The following SCUBE1 variants were observed in gnomAD, a reference collection of about 807,000 sequenced individuals.
SCUBE1 encodes signal peptide, CUB and EGF-like domain-containing protein 1.
In SCUBE1, 59 loss-of-function variants were observed where a neutral mutation model predicts 124.4. That is an observed-to-expected ratio of 0.47 (90% CI 0.38 to 0.59). SCUBE1 has a LOEUF of 0.59. Among genes scored for constraint, SCUBE1 ranks in the 20% least tolerant of loss-of-function variants. The pLI is 0.00. For synonymous variants in SCUBE1, 545 were observed against 550.9 expected, an observed-to-expected ratio of 0.99 and a Z score of 0.15; for missense variants, 1,150 against 1,371.2, an observed-to-expected ratio of 0.84 and a Z score of 2.55.
Position 43,234,790 on chromosome 22 carries a change from T to C in SCUBE1, c.845-2915A>G, listed in dbSNP as rs879264310. Among the ~76,000 whole-genome samples the C allele has an allele frequency of 6.6e-6, 1 of 151,936 alleles. No homozygotes were observed. Among genetic ancestry groups the C allele is most frequent in the Admixed American group, 6.5e-5 (1 of 15,274 alleles). On this transcript the variant is annotated intron_variant, in intron 7 of 21. Transcript: ENST00000360835. The surrounding 1 kb of genome is among the most constrained non-coding windows in gnomAD (Gnocchi z 4.4). ...TGGCCAGCATTCTGAGGCTCCTGAG[T>C]CTGCTAGGATGTGGGCCCTCCCTCT...
rs117833414 is a variant in SCUBE1 at position 43,272,926 on chromosome 22, C to T, written c.485-10081G>A. 1.1e-3 allele frequency among the ~76,000 whole-genome samples: 169 copies of T among 152,342 alleles called. 5 individuals carry two copies. The East Asian group carries it at 0.029, about 26-fold the overall frequency. ...GCGGCTGTGACTTGCCCTGGTCACG[C>T]AGCTGTCAGTGCAGAGTTCACATGC... On this transcript the variant is annotated intron_variant, in intron 4 of 21. Transcript: ENST00000360835.
chr22:43,300,551 A>G (rs898638746), intron 3 of SCUBE1, among the ~76,000 whole-genome samples: 1 of 152,110 alleles, frequency 6.6e-6, no homozygotes, highest in Non-Finnish European at 1.5e-5. Context: ...CTTTGGAGAT[A>G]TGTCTATTCA....
intron 3 of SCUBE1, 39 bp from the exon 4 acceptor site, chr22:43,291,219 C>T: frequency 6.3e-7 from 1 of 1,589,300 alleles, no homozygotes; most frequent in South Asian, 1.1e-5. Flanking sequence ...GAGATCACAC[C>T]TAAGTTGGAA....
intron 3 of SCUBE1, among the ~76,000 whole-genome samples, chr22:43,316,670 T>C (rs527648696): frequency 6.6e-6 from 1 of 152,266 alleles, no homozygotes; most frequent in East Asian, 1.9e-4. Flanking sequence ...GCTCTGCCCT[T>C]GGTCTAGCAA....
At chr22:43,212,786 G>A in intron 16 of SCUBE1, 194 bp from the exon 17 acceptor site, 2 of 602,460 alleles carry the variant, frequency 3.3e-6, no homozygotes, top group Non-Finnish European at 2.9e-6. Flanking sequence ...TCCGGATGAT[G>A]CCAGCGGTTC....
At chr22:43,222,612 C>T (rs1331995998) in intron 12 of SCUBE1, 26 bp downstream of exon 12, 4 of 1,463,112 alleles carry the variant, frequency 2.7e-6, no homozygotes, top group East Asian at 4.9e-5. Context: ...CAGTGGCATG[C>T]AGCATGGACA....
intron 4 of SCUBE1, among the ~76,000 whole-genome samples, chr22:43,289,024 C>T (rs1925255479): frequency 1.3e-5 from 2 of 152,356 alleles, no homozygotes; most frequent in South Asian, 4.1e-4. Context: ...GTGATCTGCC[C>T]ACAGCACACC....
intron 3 of SCUBE1, 98 bp from the exon 4 acceptor site, chr22:43,291,278 A>G: frequency 2.2e-6 from 3 of 1,352,948 alleles, no homozygotes; most frequent in Non-Finnish European, 3.1e-6. Context: ...ATTTCCTCAC[A>G]TGGCCCTGAA....
At position 43,266,875 on chromosome 22, in the gene SCUBE1, A is replaced by G. The variant is rs73886545; in HGVS notation, c.485-4030T>C. 8.5e-3 allele frequency among the ~76,000 whole-genome samples: 1,287 copies of G among 152,144 alleles called. 24 individuals carry two copies. The highest frequency in any genetic ancestry group is 0.03 in the African/African-American group (1,248 of 41,496). On this transcript the variant is annotated intron_variant, in intron 4 of 21. Coordinates refer to ENST00000360835, the MANE Select transcript of SCUBE1 (RefSeq NM_173050.5). The stretch of plus-strand genomic sequence containing the variant: ...GGAGCAGCCCCTCCACGAAGCACAT[A>G]CCCTGGCTCCTCTTTTGACCTTCCA...
At chr22:43,335,616 C>A (rs1927037060) in intron 2 of SCUBE1, among the ~76,000 whole-genome samples, 1 of 152,140 alleles carries the variant, frequency 6.6e-6, no homozygotes, top group African/African-American at 2.4e-5. Context: ...TTCTGGAGAC[C>A]AAGGACTATG....
chr22:43,325,441 CT>C (rs951809917), intron 2 of SCUBE1, among the ~76,000 whole-genome samples: 2 of 54,792 alleles, frequency 3.7e-5, no homozygotes, highest in Non-Finnish European at 3.2e-5. Flanking sequence ...AAAACTCCGT[CT>C]TTAAAAAAAA....
intron 2 of SCUBE1, among the ~76,000 whole-genome samples, chr22:43,329,326 G>A (rs1199623519): frequency 6.6e-6 from 1 of 152,254 alleles, no homozygotes; most frequent in African/African-American, 2.4e-5. Flanking sequence ...ACAGACTGAG[G>A]CCAGCATTGG....
chr22:43,237,670 G>A (rs922080979), intron 7 of SCUBE1: 10 of 152,188 alleles, frequency 6.6e-5, no homozygotes, highest in African/African-American at 1.9e-4. Context: ...AGTTGGCAAG[G>A]AAGAAGTCAT....
chr22:43,249,789 C>T (rs1923369233), intron 6 of SCUBE1, among the ~76,000 whole-genome samples: 1 of 152,234 alleles, frequency 6.6e-6, no homozygotes, highest in Admixed American at 6.5e-5. Flanking sequence ...AGCCACGCGG[C>T]CCAGAGGGCT....
intron 7 of SCUBE1, chr22:43,238,393 G>A (rs1922855802): frequency 2.7e-6 from 1 of 365,998 alleles, no homozygotes; most frequent in South Asian, 4.8e-5. Flanking sequence ...TGTCCCAGAT[G>A]GCCCAACACC....
At chr22:43,296,012 C>T (rs543525648) in intron 3 of SCUBE1, among the ~76,000 whole-genome samples, 1 of 142,880 alleles carries the variant, frequency 7.0e-6, no homozygotes, top group South Asian at 2.4e-4. Flanking sequence ...CAGGGAAGGG[C>T]CTGCAGCCTC....
chr22:43,218,909 C>T (rs1348421265), intron 14 of SCUBE1, among the ~76,000 whole-genome samples: 1 of 152,208 alleles, frequency 6.6e-6, no homozygotes, highest in East Asian at 1.9e-4. Flanking sequence ...AATGTCTAGC[C>T]ACCTGGCCCT....
At chr22:43,256,805 GCC>G (rs1923678270) in intron 6 of SCUBE1, among the ~76,000 whole-genome samples, 2 of 152,230 alleles carry the variant, frequency 1.3e-5, no homozygotes, top group African/African-American at 2.4e-5. Context: ...GCCCGGGAGA[GCC>G]CCAGGCCGGA....
intron 6 of SCUBE1, among the ~76,000 whole-genome samples, chr22:43,247,783 G>A (rs992891664): frequency 3.3e-5 from 5 of 152,228 alleles, no homozygotes; most frequent in Non-Finnish European, 5.9e-5. Flanking sequence ...GGGCCCGGTC[G>A]GGCCTGTTTT....
Sources: gnomAD v4.1 joint callset for allele counts (sites outside exome capture counted in the v4.1 genomes callset) on GRCh38, gnomAD v4.1.1 for gene constraint, Gnocchi (gnomAD v3.1) non-coding constraint, MANE v1.5 for transcripts, NCBI Gene and HGNC (gene_info 2026-07-23, HGNC 2026-07-21) for gene names.